Variants in CNTN4 observed in about 807,000 individuals in gnomAD.
The protein encoded by CNTN4 is contactin 4, also known as contactin-4.
Under a neutral mutation model 122.5 loss-of-function variants are expected in CNTN4, and 77 were observed. The observed-to-expected ratio is 0.63, with a 90% CI of 0.52 to 0.76. The LOEUF (loss-of-function observed/expected upper bound fraction) is 0.76. Among genes scored for constraint, CNTN4 ranks in the 30% least tolerant of loss-of-function variants. CNTN4 has a pLI of 0.00. For synonymous variants in CNTN4, 512 were observed against 447.0 expected, an observed-to-expected ratio of 1.15 and a Z score of -1.83; for missense variants, 1,256 against 1,259.1, an observed-to-expected ratio of 1.00 and a Z score of 0.04.
chr3:2,644,389 G>A (rs777494864), intron 4 of CNTN4, among the ~76,000 whole-genome samples: 17 of 152,008 alleles, frequency 1.1e-4, no homozygotes, highest in Admixed American at 2.0e-4. Context: ...ATACATCTAG[G>A]TTTCTAACAC....
At chr3:2,181,946 C>G (rs1321956543) in intron 2 of CNTN4, among the ~76,000 whole-genome samples, 1 of 152,062 alleles carries the variant, frequency 6.6e-6, no homozygotes, top group East Asian at 1.9e-4. Context: ...GCTGGTTCCT[C>G]TGCAAGAATA....
At chr3:2,158,788 C>A (rs1322070714) in intron 2 of CNTN4, among the ~76,000 whole-genome samples, 1 of 152,180 alleles carries the variant, frequency 6.6e-6, no homozygotes, top group Non-Finnish European at 1.5e-5. Context: ...GTTTCTAGAT[C>A]TTCAATTTCT....
At chr3:3,021,528 A>G (rs1389704188) in intron 14 of CNTN4, among the ~76,000 whole-genome samples, 1 of 152,206 alleles carries the variant, frequency 6.6e-6, no homozygotes, top group Non-Finnish European at 1.5e-5. Context: ...GAAAAAAGAT[A>G]CAACTCTACT....
intron 3 of CNTN4, among the ~76,000 whole-genome samples, chr3:2,568,197 C>G (rs1412968661): frequency 6.6e-6 from 1 of 151,378 alleles, no homozygotes; most frequent in Non-Finnish European, 1.5e-5. Context: ...AACCAGGACT[C>G]TTAAGGGAAA....
intron 7 of CNTN4, among the ~76,000 whole-genome samples, chr3:2,849,900 G>A (rs1032207226): frequency 6.6e-6 from 1 of 152,050 alleles, no homozygotes; most frequent in Non-Finnish European, 1.5e-5. Context: ...AGGTTCAGTA[G>A]TGCCTGGTCT....
At position 2,748,931 on chromosome 3, in the gene CNTN4, G is replaced by A. The variant is rs114098946; in HGVS notation, c.358+3234G>A. ...AATGACAAACTATTTTTTGCAACAG[G>A]ATCTTGATACTTTTGTTCCCTCTGC... On this transcript the variant is annotated intron_variant, in intron 6 of 24. Transcript: ENST00000418658. 4.8e-3 allele frequency among the ~76,000 whole-genome samples: 729 copies of A among 152,094 alleles called. 7 individuals are homozygous for A. Among genetic ancestry groups the A allele is most frequent in the African/African-American group, 0.016 (671 of 41,500 alleles).
chr3:3,016,322 C>G (rs1697754974), intron 14 of CNTN4, among the ~76,000 whole-genome samples: 1 of 152,152 alleles, frequency 6.6e-6, no homozygotes, highest in Admixed American at 6.5e-5. Flanking sequence ...CCCCCCTTCC[C>G]TCTTCTGTTA....
At chr3:3,018,387 G>A (rs912545757) in intron 14 of CNTN4, among the ~76,000 whole-genome samples, 1 of 151,926 alleles carries the variant, frequency 6.6e-6, no homozygotes, top group Non-Finnish European at 1.5e-5. Context: ...TTATTTTATT[G>A]TTCTGTGGAG....
At chr3:3,050,763 C>CAAAAAAAAAAAAAAAA (rs1184756504) in intron 23 of CNTN4, among the ~76,000 whole-genome samples, 1 of 85,036 alleles carries the variant, frequency 1.2e-5, no homozygotes, top group Non-Finnish European at 2.1e-5. Context: ...AACTCCGTCT[C>CAAAAAAAAAAAAAAAA]AAAAAAAAAA....
At chr3:2,943,649 G>C (rs1160232141) in intron 13 of CNTN4, among the ~76,000 whole-genome samples, 1 of 130,838 alleles carries the variant, frequency 7.6e-6, no homozygotes, top group Non-Finnish European at 1.6e-5. Flanking sequence ...TTTTGAGACG[G>C]AGTCTTGCTC....
At chr3:2,732,591 T>A (rs1295096338) in intron 4 of CNTN4, among the ~76,000 whole-genome samples, 1 of 152,030 alleles carries the variant, frequency 6.6e-6, no homozygotes, top group African/African-American at 2.4e-5. Context: ...CACTTGAAAG[T>A]CACTTTGTGG....
intron 2 of CNTN4, among the ~76,000 whole-genome samples, chr3:2,127,223 A>C (rs529341986): frequency 6.6e-6 from 1 of 152,066 alleles, no homozygotes; most frequent in Admixed American, 6.5e-5. Flanking sequence ...TCGGGTTCCC[A>C]TCACAGCCCC....
At chr3:2,189,858 C>T (rs539978796) in intron 2 of CNTN4, among the ~76,000 whole-genome samples, 18 of 152,256 alleles carry the variant, frequency 1.2e-4, no homozygotes, top group Admixed American at 9.8e-4. Context: ...CAGCCAAGGA[C>T]GGATGCCAAA....
intron 2 of CNTN4, among the ~76,000 whole-genome samples, chr3:2,227,016 A>G (rs1168668944): frequency 6.6e-6 from 1 of 152,204 alleles, no homozygotes; most frequent in Admixed American, 6.5e-5. Context: ...TGAGCTCACA[A>G]AAGCCAGTCA....
chr3:2,332,379 C>A (rs188528289), intron 2 of CNTN4, among the ~76,000 whole-genome samples: 1 of 152,136 alleles, frequency 6.6e-6, no homozygotes, highest in African/African-American at 2.4e-5. Context: ...GATAAAGAGT[C>A]TTTTATATTT....
Position 2,224,951 on chromosome 3 carries a change from C to T in CNTN4, c.-144-114227C>T, listed in dbSNP as rs193154563. Reference sequence around the variant, plus strand: ...GGATCACGAGGTCAGGAGATGAAGACTATCCTGGCTAACTTGGTGAAACCC... The same window carrying T: ...GGATCACGAGGTCAGGAGATGAAGATTATCCTGGCTAACTTGGTGAAACCC... On this transcript the variant is annotated intron_variant, in intron 2 of 24. Transcript: ENST00000418658. Among the ~76,000 whole-genome samples, 456 of 151,244 alleles carry T rather than the reference C, an allele frequency of 3.0e-3. 3 individuals are homozygous for T. The highest frequency in any genetic ancestry group is 0.011 in the African/African-American group (436 of 41,222).
intron 2 of CNTN4, among the ~76,000 whole-genome samples, chr3:2,229,451 G>C (rs912234408): frequency 1.3e-5 from 2 of 152,068 alleles, no homozygotes; most frequent in East Asian, 1.9e-4. Flanking sequence ...AAGTCATGAG[G>C]CTTCTTGAAT....
intron 2 of CNTN4, among the ~76,000 whole-genome samples, chr3:2,169,861 GAATT>G (rs760665958): frequency 1.5e-4 from 18 of 121,112 alleles, no homozygotes; most frequent in Non-Finnish European, 2.8e-4. Flanking sequence ...AATGAAAACA[GAATT>G]AAGAATAAAT....
intron 2 of CNTN4, among the ~76,000 whole-genome samples, chr3:2,312,980 T>C (rs866725571): frequency 2.0e-5 from 3 of 152,016 alleles, no homozygotes; most frequent in Non-Finnish European, 4.4e-5. Flanking sequence ...AAAAATTTTA[T>C]CTTCAGGCAA....
Sources: allele counts gnomAD v4.1 joint callset (sites outside exome capture counted in the v4.1 genomes callset), GRCh38; gene constraint gnomAD v4.1.1; transcripts MANE v1.5; gene names NCBI Gene and HGNC (gene_info 2026-07-23, HGNC 2026-07-21).